Variants in FERMT2 observed in about 807,000 individuals in gnomAD.
The protein encoded by FERMT2 is fermitin family homolog 2.
A neutral mutation model predicts 82.7 loss-of-function variants in FERMT2; 15 were observed. That is an observed-to-expected ratio of 0.18 (90% CI 0.12 to 0.28). The LOEUF (loss-of-function observed/expected upper bound fraction) is 0.28. Ranked by LOEUF, FERMT2 falls within the 10% of genes least tolerant of loss-of-function variation. The probability of loss-of-function intolerance (pLI) is 1.00; values close to 1 mark genes in which losing one functional copy is unlikely to be tolerated. For synonymous variants in FERMT2, 274 were observed against 271.5 expected, an observed-to-expected ratio of 1.01 and a Z score of -0.09; for missense variants, 645 against 809.4, an observed-to-expected ratio of 0.80 and a Z score of 2.46.
intron 3 of FERMT2, 102 bp downstream of exon 3, chr14:52,919,021 T>C (rs540406019): frequency 2.9e-5 from 21 of 719,684 alleles, no homozygotes; most frequent in East Asian, 2.9e-4. Context: ...TATATACAGA[T>C]AGTTCAGCCC....
chr14:52,934,862 G>C (rs1396466767), intron 2 of FERMT2, among the ~76,000 whole-genome samples: 1 of 152,126 alleles, frequency 6.6e-6, no homozygotes, highest in Non-Finnish European at 1.5e-5. Flanking sequence ...AGTTTCTCAT[G>C]GGGGACAGAG....
Position 52,860,348 on chromosome 14 carries a change from T to C in FERMT2, c.1720A>G (p.Ile574Val), listed in dbSNP as rs1884849872. ...ATGCTTAGAACCACTGACCTTGCAA[T>C]GAAGTGAGTGATGCCAAATTCAGGT... is the stretch of plus-strand genomic sequence containing the variant. ...SLPEFGITHF[I>V]ARFQGGKKEE... Residue 574 changes from isoleucine (I) to valine (V), a missense_variant, in exon 13 of 15, where the codon ATT (isoleucine) becomes GTT (valine). Ile to Val is a conservative substitution (Grantham distance 29). Transcript: ENST00000341590. The C allele has an allele frequency of 2.5e-6, 4 of 1,613,852 alleles. No individual in the cohort carries two copies. In the East Asian group the frequency reaches 8.9e-5, roughly 36 times the overall value.
chr14:52,940,822 A>C (rs1166427760), intron 2 of FERMT2, among the ~76,000 whole-genome samples: 1 of 152,200 alleles, frequency 6.6e-6, no homozygotes, highest in Non-Finnish European at 1.5e-5. Context: ...AAACGACACT[A>C]AATTCTGACA....
At chr14:52,943,068 C>T (rs970311623) in intron 2 of FERMT2, among the ~76,000 whole-genome samples, 25 of 150,960 alleles carry the variant, frequency 1.7e-4, no homozygotes, top group Admixed American at 5.3e-4. Context: ...CAAAAATTAG[C>T]GTGGTGGCGG....
At chr14:52,907,116 G>A (rs559907695) in intron 3 of FERMT2, among the ~76,000 whole-genome samples, 4 of 152,224 alleles carry the variant, frequency 2.6e-5, no homozygotes, top group South Asian at 2.1e-4. Context: ...AGGCTCAAGC[G>A]ATCCTCCCCG....
intron 8 of FERMT2, 70 bp downstream of exon 8, chr14:52,875,153 A>C: frequency 1.5e-6 from 2 of 1,329,060 alleles, no homozygotes; most frequent in Non-Finnish European, 2.1e-6. Flanking sequence ...AATACTTTGA[A>C]CCTAAATCCA....
At chr14:52,883,548 C>T (rs141823292) in intron 4 of FERMT2, among the ~76,000 whole-genome samples, 119 of 152,276 alleles carry the variant, frequency 7.8e-4, no homozygotes, top group African/African-American at 2.7e-3. Context: ...AAAATGTGCA[C>T]CTGGTGAGAT....
At chr14:52,891,709 A>G (rs1886941976) in intron 4 of FERMT2, among the ~76,000 whole-genome samples, 1 of 152,138 alleles carries the variant, frequency 6.6e-6, no homozygotes, top group South Asian at 2.1e-4. Flanking sequence ...AATGAACTAA[A>G]TTAGTAAGAT....
At chr14:52,900,480 T>G (rs1887558137) in intron 3 of FERMT2, among the ~76,000 whole-genome samples, 1 of 151,342 alleles carries the variant, frequency 6.6e-6, no homozygotes, top group Non-Finnish European at 1.5e-5. Context: ...TACGTGCATT[T>G]ATTTTCACTC....
chr14:52,942,847 C>CA (rs1244339210), intron 2 of FERMT2, among the ~76,000 whole-genome samples: 10 of 152,136 alleles, frequency 6.6e-5, no homozygotes, highest in African/African-American at 2.4e-4. Context: ...CTATTATTAA[C>CA]AGCTTATTTA....
At chr14:52,901,620 G>T (rs1476225261) in intron 3 of FERMT2, among the ~76,000 whole-genome samples, 2 of 152,182 alleles carry the variant, frequency 1.3e-5, no homozygotes, top group African/African-American at 4.8e-5. Context: ...GCTGTTACTG[G>T]CTTTGAAGAT....
chr14:52,949,487 T>TGCCAC (rs2139722470), intron 2 of FERMT2, among the ~76,000 whole-genome samples: 1 of 145,418 alleles, frequency 6.9e-6, no homozygotes, highest in South Asian at 2.2e-4. Flanking sequence ...GCCACACAGA[T>TGCCAC]AATCATCTTA....
intron 2 of FERMT2, among the ~76,000 whole-genome samples, chr14:52,924,139 T>G (rs944404458): frequency 1.3e-5 from 2 of 152,112 alleles, no homozygotes; most frequent in African/African-American, 4.8e-5. Context: ...GTTCTAGTGC[T>G]AGAGATATGA....
In FERMT2 at chr14:52,859,711, G is replaced by C. The variant is rs756402897; in HGVS notation, c.1731C>G (p.Phe577Leu). ...TAAGTTCTTCTTTTTTGCCCCCTTG[G>C]AACCTATAACATTTAAGAAAAGAAC... ...EFGITHFIARFQGGKKEELIG... is the reference protein window; with the variant it reads ...EFGITHFIARLQGGKKEELIG... Residue 577 changes from phenylalanine (F) to leucine (L), a missense_variant, in exon 14 of 15, where the codon TTC becomes TTG. Coordinates refer to ENST00000341590, the MANE Select transcript of FERMT2 (RefSeq NM_006832.3). 2 of 1,577,648 alleles carry C rather than the reference G, an allele frequency of 1.3e-6. No individual in the cohort carries two copies. Among genetic ancestry groups the C allele is most frequent in the Non-Finnish European group, 8.6e-7 (1 of 1,160,470 alleles).
intron 2 of FERMT2, among the ~76,000 whole-genome samples, chr14:52,932,025 T>C (rs1889604864): frequency 6.6e-6 from 1 of 152,178 alleles, no homozygotes; most frequent in Non-Finnish European, 1.5e-5. Flanking sequence ...CGAGACTCCG[T>C]CTCAAAAAAG....
At chr14:52,941,384 A>AG (rs1345293130) in intron 2 of FERMT2, among the ~76,000 whole-genome samples, 6 of 152,308 alleles carry the variant, frequency 3.9e-5, no homozygotes, top group African/African-American at 1.4e-4. Flanking sequence ...TCAGAATATT[A>AG]TACTAAGAAG....
At chr14:52,882,021 T>G (rs1012593365) in intron 4 of FERMT2, among the ~76,000 whole-genome samples, 1 of 151,912 alleles carries the variant, frequency 6.6e-6, no homozygotes, top group Non-Finnish European at 1.5e-5. Context: ...AGTAAAACGG[T>G]TTTTTTTGTT....
chr14:52,907,683 C>T (rs559866572), intron 3 of FERMT2, among the ~76,000 whole-genome samples: 3 of 151,972 alleles, frequency 2.0e-5, no homozygotes, highest in African/African-American at 7.2e-5. Flanking sequence ...ATACTGTAAA[C>T]CCTAGAGCAA....
At chr14:52,874,928 GGTT>G (rs1455692704) in intron 8 of FERMT2, among the ~76,000 whole-genome samples, 4 of 152,150 alleles carry the variant, frequency 2.6e-5, no homozygotes, top group African/African-American at 9.7e-5. Context: ...GGTGGTGCAT[GGTT>G]GTAGTCTCAG....
Sources: gnomAD v4.1 joint callset for allele counts (sites outside exome capture counted in the v4.1 genomes callset) on GRCh38, gnomAD v4.1.1 for gene constraint, MANE v1.5 for transcripts, NCBI Gene and HGNC (gene_info 2026-07-23, HGNC 2026-07-21) for gene names.